CSMD1: variants seen among roughly 807,000 people sequenced by gnomAD.
CSMD1 encodes CUB and Sushi multiple domains 1, also known as CUB and sushi domain-containing protein 1.
In CSMD1, 213 loss-of-function variants were observed where a neutral mutation model predicts 417.5. The observed-to-expected ratio is 0.51, with a 90% CI of 0.46 to 0.57. The LOEUF (loss-of-function observed/expected upper bound fraction) is 0.57. CSMD1 is among the 20% of genes least tolerant of loss of function. CSMD1 has a pLI of 0.00. For synonymous variants in CSMD1, 2,862 were observed against 1,736.8 expected (o/e 1.65, Z -16.11); for missense variants, 6,923 against 4,529.7 (o/e 1.53, Z -15.17).
intron 41 of CSMD1, among the ~76,000 whole-genome samples, chr8:3,132,437 T>C (rs1817840867): frequency 6.6e-6 from 1 of 152,150 alleles, no homozygotes; most frequent in South Asian, 2.1e-4. Context: ...ACAATAATGT[T>C]TTATTCAAAA....
At chr8:3,497,312 T>C (rs1313924492) in intron 10 of CSMD1, among the ~76,000 whole-genome samples, 12 of 152,254 alleles carry the variant, frequency 7.9e-5, no homozygotes, top group Admixed American at 4.6e-4. Context: ...GCTTTATATA[T>C]CTGGGGTCTC....
intron 2 of CSMD1, among the ~76,000 whole-genome samples, chr8:4,595,599 T>G (rs1399630431): frequency 2.6e-5 from 4 of 152,070 alleles, no homozygotes; most frequent in African/African-American, 7.2e-5. Flanking sequence ...GTCCCTTTCC[T>G]TACTTAAGTA....
intron 2 of CSMD1, among the ~76,000 whole-genome samples, chr8:4,430,639 T>C (rs1357695542): frequency 2.6e-5 from 4 of 152,126 alleles, no homozygotes; most frequent in African/African-American, 7.2e-5. Context: ...TTTTTTTTAA[T>C]CAATGCACCA....
chr8:4,924,721 T>TTA (rs1563779776), intron 1 of CSMD1, among the ~76,000 whole-genome samples: 3 of 4,416 alleles, frequency 6.8e-4, no homozygotes, highest in Non-Finnish European at 1.8e-3. Flanking sequence ...AAACTCCATC[T>TTA]CAAAAAAAAA....
chr8:4,062,766 A>G (rs550820040), intron 3 of CSMD1, among the ~76,000 whole-genome samples: 2 of 152,126 alleles, frequency 1.3e-5, no homozygotes, highest in South Asian at 4.2e-4. Context: ...CTGCATGCTC[A>G]GTAAAATCTG....
intron 3 of CSMD1, among the ~76,000 whole-genome samples, chr8:4,223,058 T>C (rs547806811): frequency 3.3e-5 from 5 of 152,076 alleles, no homozygotes; most frequent in African/African-American, 7.2e-5. Flanking sequence ...ACATTGGACA[T>C]TGGAGAGCTG....
At chr8:4,530,101 T>G (rs562161479) in intron 2 of CSMD1, among the ~76,000 whole-genome samples, 65 of 151,232 alleles carry the variant, frequency 4.3e-4, no homozygotes, top group Non-Finnish European at 8.0e-4. Flanking sequence ...TTTTAGTAGA[T>G]ACGGGGTTTC....
chr8:4,344,674 A>G (rs1017167493), intron 3 of CSMD1, among the ~76,000 whole-genome samples: 9 of 152,094 alleles, frequency 5.9e-5, no homozygotes, highest in Admixed American at 2.0e-4. Context: ...CAATAAACAC[A>G]AAGATATTAA....
intron 2 of CSMD1, 59 bp from the exon 3 acceptor site, chr8:4,420,124 T>G (rs1201297761): frequency 8.4e-7 from 1 of 1,191,108 alleles, no homozygotes; most frequent in Non-Finnish European, 1.2e-6. Flanking sequence ...CAAAAAAAGC[T>G]TATTTGATGA....
chr8:4,265,643 G>A (rs1490780720), intron 3 of CSMD1, among the ~76,000 whole-genome samples: 3 of 104,584 alleles, frequency 2.9e-5, no homozygotes, highest in African/African-American at 7.8e-5. Context: ...AATATATTAG[G>A]GAAAAATTCT....
intron 1 of CSMD1, among the ~76,000 whole-genome samples, chr8:4,856,468 G>A (rs534019326): frequency 2.1e-5 from 3 of 140,270 alleles, no homozygotes; most frequent in Admixed American, 6.8e-5. Flanking sequence ...GACACAGACT[G>A]GCAAATTGGA....
At chr8:3,424,079 T>C (rs1291384185) in intron 12 of CSMD1, among the ~76,000 whole-genome samples, 1 of 152,214 alleles carries the variant, frequency 6.6e-6, no homozygotes, top group Non-Finnish European at 1.5e-5. Context: ...TTATGTTCAA[T>C]GCACCCATTA....
At chr8:4,320,296 G>A (rs1307252980) in intron 3 of CSMD1, among the ~76,000 whole-genome samples, 1 of 152,278 alleles carries the variant, frequency 6.6e-6, no homozygotes, top group East Asian at 1.9e-4. Context: ...ATACAAGAGT[G>A]TTCACCTTAT....
intron 26 of CSMD1, among the ~76,000 whole-genome samples, chr8:3,279,538 T>C (rs961376726): frequency 1.3e-5 from 2 of 152,176 alleles, no homozygotes; most frequent in African/African-American, 4.8e-5. Flanking sequence ...CCCAGTGGGA[T>C]AATTTGAGAG....
intron 2 of CSMD1, among the ~76,000 whole-genome samples, chr8:4,551,623 G>A (rs780936879): frequency 2.6e-5 from 4 of 152,072 alleles, no homozygotes; most frequent in African/African-American, 9.7e-5. Flanking sequence ...AGGCTTCTCA[G>A]TTTAACATAC....
intron 3 of CSMD1, among the ~76,000 whole-genome samples, chr8:4,375,611 A>C (rs1250020244): frequency 2.6e-5 from 4 of 152,116 alleles, no homozygotes; most frequent in South Asian, 2.1e-4. Flanking sequence ...TCACTGGCTA[A>C]CAGCCACGTG....
chr8:3,410,727 AG>A (rs2116918363), intron 12 of CSMD1, among the ~76,000 whole-genome samples: 1 of 152,242 alleles, frequency 6.6e-6, no homozygotes, highest in Non-Finnish European at 1.5e-5. Flanking sequence ...TGTTTTATGG[AG>A]GAAAATTTTT....
At chr8:3,713,040 T>A (rs1284883707) in intron 6 of CSMD1, among the ~76,000 whole-genome samples, 1 of 152,012 alleles carries the variant, frequency 6.6e-6, no homozygotes, top group Non-Finnish European at 1.5e-5. Flanking sequence ...AAAAAAAAAA[T>A]TCCCCAAAAG....
chr8:2,940,854 A>G (rs1004728815), intron 69 of CSMD1, among the ~76,000 whole-genome samples: 1 of 152,202 alleles, frequency 6.6e-6, no homozygotes, highest in Admixed American at 6.5e-5. Context: ...GCCAATCAAA[A>G]GCAAAAATAA....
Sources: gnomAD v4.1 joint callset for allele counts (sites outside exome capture counted in the v4.1 genomes callset) on GRCh38, gnomAD v4.1.1 for gene constraint, MANE v1.5 for transcripts, NCBI Gene and HGNC (gene_info 2026-07-23, HGNC 2026-07-21) for gene names.